GLI3: variants seen among roughly 807,000 people sequenced by gnomAD.
GLI3 encodes the protein GLI family zinc finger 3.
A neutral mutation model predicts 100.8 loss-of-function variants in GLI3; 20 were observed. That is an observed-to-expected ratio of 0.20 (90% CI 0.14 to 0.29). The LOEUF (loss-of-function observed/expected upper bound fraction) is 0.29, where lower values mean the gene tolerates loss of function less well. GLI3 is among the 10% of genes least tolerant of loss of function. The pLI, the probability that GLI3 is intolerant of heterozygous loss-of-function variation, is 1.00. For missense variants in GLI3, 2,040 were observed against 2,128.5 expected, an observed-to-expected ratio of 0.96 and a Z score of 0.82; for synonymous variants, 938 against 860.5, an observed-to-expected ratio of 1.09 and a Z score of -1.58.
At chr7:42,184,458 C>T (rs868217075) in intron 2 of GLI3, among the ~76,000 whole-genome samples, 1 of 152,158 alleles carries the variant, frequency 6.6e-6, no homozygotes, top group Non-Finnish European at 1.5e-5. Flanking sequence ...CCTTGTTTAC[C>T]GACTGTCTCC....
At chr7:42,233,834 G>T (rs1208650059) in intron 1 of GLI3, among the ~76,000 whole-genome samples, 1 of 152,148 alleles carries the variant, frequency 6.6e-6, no homozygotes, top group African/African-American at 2.4e-5. Context: ...TTAATGAAAA[G>T]ACAACCTGAA....
chr7:42,118,381 GT>G (rs1464280903), intron 3 of GLI3: 4 of 398,382 alleles, frequency 1.0e-5, no homozygotes, highest in Non-Finnish European at 1.3e-5. Flanking sequence ...TGGATACAAA[GT>G]TTAGAGAAAA....
At chr7:42,108,391 C>G (rs1472310877) in intron 3 of GLI3, among the ~76,000 whole-genome samples, 1 of 152,134 alleles carries the variant, frequency 6.6e-6, no homozygotes, top group African/African-American at 2.4e-5. Context: ...TCTAATCTAA[C>G]AGATTAGAAA....
At chr7:42,137,877 C>G (rs183688255) in intron 3 of GLI3, among the ~76,000 whole-genome samples, 2 of 152,182 alleles carry the variant, frequency 1.3e-5, no homozygotes, top group Non-Finnish European at 1.5e-5. Flanking sequence ...ATATATAAAA[C>G]ATAAATGAAT....
intron 3 of GLI3, among the ~76,000 whole-genome samples, chr7:42,083,529 A>G (rs982281811): frequency 6.6e-6 from 1 of 152,228 alleles, no homozygotes; most frequent in African/African-American, 2.4e-5. Context: ...CTGCTTTCCC[A>G]CGCCAACAAC....
At chr7:42,222,464 T>C (rs1788504272) in intron 2 of GLI3, among the ~76,000 whole-genome samples, 1 of 152,216 alleles carries the variant, frequency 6.6e-6, no homozygotes, top group Admixed American at 6.5e-5. Flanking sequence ...TTCAGTCTGT[T>C]TGTACCAGGG....
intron 1 of GLI3, among the ~76,000 whole-genome samples, chr7:42,244,497 C>G (rs1421910516): frequency 2.6e-5 from 4 of 152,118 alleles, no homozygotes; most frequent in African/African-American, 9.7e-5. Flanking sequence ...TTTATTGCAG[C>G]CTTCGTTGCT....
At chr7:42,240,446 A>C (rs1443452842), upstream of GLI3, among the ~76,000 whole-genome samples, 14 of 152,196 alleles carry the variant, frequency 9.2e-5, no homozygotes, top group Admixed American at 9.2e-4. Flanking sequence ...CTTGAAGTCC[A>C]AAAGTAAGGT....
At chr7:42,006,561 A>T (rs1016856094) in intron 10 of GLI3, among the ~76,000 whole-genome samples, 1 of 152,234 alleles carries the variant, frequency 6.6e-6, no homozygotes, top group Admixed American at 6.5e-5. Context: ...ACAGTGTGTG[A>T]ACCTGCATGT....
At chr7:42,143,596 C>G (rs1282648789) in intron 3 of GLI3, among the ~76,000 whole-genome samples, 1 of 152,188 alleles carries the variant, frequency 6.6e-6, no homozygotes, top group African/African-American at 2.4e-5. Flanking sequence ...TTTTAGCACA[C>G]AAGAATGCAA....
rs142746082 is a variant in GLI3 at position 42,106,361 on chromosome 7, TC to T, written c.368-29505del. On this transcript the variant is annotated intron_variant, in intron 3 of 14. Coordinates refer to ENST00000395925, the MANE Select transcript of GLI3 (RefSeq NM_000168.6). The stretch of plus-strand genomic sequence containing the variant: ...AGGGTCCAATGCCCACCCCTCTTGC[TC>T]CTGCAGAAATCTAGGCTGCAAGGTG... Among the ~76,000 whole-genome samples, 910 of 152,316 alleles carry T rather than the reference TC, an allele frequency of 6.0e-3. 12 individuals are homozygous for T. The highest frequency in any genetic ancestry group is 0.021 in the African/African-American group (863 of 41,574).
intron 3 of GLI3, among the ~76,000 whole-genome samples, chr7:42,095,305 A>C (rs1219347488): frequency 6.6e-6 from 1 of 152,202 alleles, no homozygotes; most frequent in Non-Finnish European, 1.5e-5. Context: ...CCCTCCGGGA[A>C]CCACGGAAGC....
intron 3 of GLI3, among the ~76,000 whole-genome samples, chr7:42,110,285 C>T (rs1274968917): frequency 6.6e-6 from 1 of 152,068 alleles, no homozygotes; most frequent in Non-Finnish European, 1.5e-5. Context: ...CTTTTACAAC[C>T]AACTTTTCTA....
At chr7:42,017,203 C>G (rs2128728073) in intron 10 of GLI3, among the ~76,000 whole-genome samples, 1 of 152,340 alleles carries the variant, frequency 6.6e-6, no homozygotes, top group Non-Finnish European at 1.5e-5. Context: ...AAGTGACCAC[C>G]ATTCCCACTT....
At chr7:41,993,391 C>T (rs1047329988) in intron 10 of GLI3, among the ~76,000 whole-genome samples, 1 of 152,116 alleles carries the variant, frequency 6.6e-6, no homozygotes, top group Non-Finnish European at 1.5e-5. Context: ...AGAGACTCAT[C>T]GCCCCGCTCG....
At chr7:42,253,307 T>C (rs151303725) in intron 1 of GLI3, among the ~76,000 whole-genome samples, 8 of 152,356 alleles carry the variant, frequency 5.3e-5, no homozygotes, top group African/African-American at 1.9e-4. Context: ...GCTTGCTCCA[T>C]GGCTGCTGCT....
intron 3 of GLI3, among the ~76,000 whole-genome samples, chr7:42,136,092 G>A (rs1435767064): frequency 6.6e-6 from 1 of 152,194 alleles, no homozygotes; most frequent in East Asian, 1.9e-4. Context: ...GGTAGGGCCA[G>A]ATACTGGCTT....
intron 4 of GLI3, among the ~76,000 whole-genome samples, chr7:42,060,079 C>T (rs1784537462): frequency 6.6e-6 from 1 of 152,236 alleles, no homozygotes; most frequent in Admixed American, 6.5e-5. Context: ...TAAGCCCAGA[C>T]AGAGAAGCGG....
At chr7:41,988,383 A>C (rs767275991) in intron 10 of GLI3, among the ~76,000 whole-genome samples, 5 of 148,592 alleles carry the variant, frequency 3.4e-5, no homozygotes, top group Non-Finnish European at 5.9e-5. Flanking sequence ...GAATCACTTG[A>C]ACCCAGGAGG....
Sources: allele counts gnomAD v4.1 joint callset (sites outside exome capture counted in the v4.1 genomes callset), GRCh38; gene constraint gnomAD v4.1.1; transcripts MANE v1.5; gene names NCBI Gene and HGNC (gene_info 2026-07-23, HGNC 2026-07-21).